The following DLGAP3 variants were observed in gnomAD, a reference collection of about 807,000 sequenced individuals.
DLGAP3 encodes the protein disks large-associated protein 3.
In DLGAP3, 17 loss-of-function variants were observed where a neutral mutation model predicts 81.2. The ratio of observed to expected loss-of-function variants is 0.21; its 90% confidence interval spans 0.14 to 0.31. DLGAP3 has a LOEUF of 0.31. DLGAP3 is among the 10% of genes least tolerant of loss of function. DLGAP3 has a pLI of 1.00. For missense variants in DLGAP3, 1,124 were observed against 1,388.0 expected (o/e 0.81, Z 3.02); for synonymous variants, 577 against 587.4 (o/e 0.98, Z 0.26).
chr1:34,897,388 A>G (rs896289496), intron 5 of DLGAP3, among the ~76,000 whole-genome samples: 21 of 152,198 alleles, frequency 1.4e-4, no homozygotes, highest in Non-Finnish European at 2.2e-4. Context: ...ATTTTAGGGC[A>G]TTTGGGAAAA....
At chr1:34,905,798 G>A (rs971035879) in intron 2 of DLGAP3, among the ~76,000 whole-genome samples, 1 of 151,836 alleles carries the variant, frequency 6.6e-6, no homozygotes, top group East Asian at 1.9e-4. Context: ...GAGCCCAGCA[G>A]TTCGAGATCA....
chr1:34,894,502 G>C (rs1367128891), intron 5 of DLGAP3, among the ~76,000 whole-genome samples: 2 of 152,166 alleles, frequency 1.3e-5, no homozygotes, highest in Non-Finnish European at 2.9e-5. Context: ...AGCAACCTGA[G>C]AGAAATTAAA....
At chr1:34,886,335 G>A (rs1639229918) in intron 5 of DLGAP3, 50 bp from the exon 6 acceptor site, 4 of 1,497,456 alleles carry the variant, frequency 2.7e-6, no homozygotes, top group Non-Finnish European at 1.8e-6. Flanking sequence ...GGGAGGGGGT[G>A]GAAGTCCCTG....
In DLGAP3 at chr1:34,885,565, G is replaced by C. The variant is rs754471768; in HGVS notation, c.1827C>G (p.Pro609=). ...CAGGGATGGTCTTGATGATGAGTGT[G>C]GGGGGCTTGGGGCTGGCCCGGGGCG... ...PVPPRASPKP[P]TLIIKTIPGR... is the part of the protein sequence containing the mutation. Residue 609 remains proline, a synonymous_variant, in exon 7 of 12, where the codon CCC becomes CCG. Coordinates refer to ENST00000373347, the MANE Select transcript of DLGAP3 (RefSeq NM_001080418.3). The C allele has an allele frequency of 1.5e-5, 24 of 1,606,180 alleles. No individual in the cohort carries two copies. Among genetic ancestry groups the C allele is most frequent in the Admixed American group, 3.3e-5 (2 of 59,852 alleles).
chr1:34,866,326 G>T, intron 11 of DLGAP3, 25 bp from the exon 12 acceptor site: 1 of 1,489,748 alleles, frequency 6.7e-7, no homozygotes, highest in South Asian at 1.2e-5. Context: ...GCGTCGCTGA[G>T]CTGGGGCGCC....
chr1:34,918,168 C>A (rs544844742), intron 1 of DLGAP3, among the ~76,000 whole-genome samples: 1 of 152,318 alleles, frequency 6.6e-6, no homozygotes, highest in African/African-American at 2.4e-5. Flanking sequence ...TTCTCTAGTG[C>A]CACAGGCTCC....
chr1:34,888,649 AAT>A (rs1639269904), intron 5 of DLGAP3, among the ~76,000 whole-genome samples: 1 of 152,196 alleles, frequency 6.6e-6, no homozygotes, highest in Non-Finnish European at 1.5e-5. Context: ...AGTGTATGGA[AAT>A]CCCAGGCCAT....
chr1:34,904,479 T>A lies in DLGAP3; in HGVS notation c.905A>T (p.Lys302Met). ...GCCTTCCGACCCGCCCGAGCGCCCC[T>A]TGAAGCTCAAGTCCCGGTAGGACCC... ...PDGSYRDLSF[K>M]GRSGGSEGRC... Residue 302 changes from lysine (K) to methionine (M), a missense_variant, in exon 3 of 12, where the codon AAG (lysine) becomes ATG (methionine). Coordinates refer to ENST00000373347, the MANE Select transcript of DLGAP3 (RefSeq NM_001080418.3). The surrounding 1 kb of genome is among the most constrained non-coding windows in gnomAD (Gnocchi z 8.1). The A allele has an allele frequency of 6.2e-7, 1 of 1,614,184 alleles. No individual in the cohort carries two copies. The highest frequency in any genetic ancestry group is 8.5e-7 in the Non-Finnish European group (1 of 1,180,030).
chr1:34,899,170 G>A (rs953450454), intron 5 of DLGAP3, among the ~76,000 whole-genome samples: 7 of 148,864 alleles, frequency 4.7e-5, no homozygotes, highest in African/African-American at 1.7e-4. Flanking sequence ...GCTCATTCTC[G>A]CCATTCTCCT....
In DLGAP3 at chr1:34,865,942, G is replaced by A; in HGVS notation, c.*141C>T. ...AGGAAGGTAAAAAACCCACGAGAGT[G>A]TGACGGGCCCGGGGGCCGGGGCGTC... On this transcript the variant is annotated 3_prime_UTR_variant, in exon 12 of 12. Transcript: ENST00000373347. 3 of 769,636 alleles carry A rather than the reference G, an allele frequency of 3.9e-6. No homozygotes were observed. The highest frequency in any genetic ancestry group is 2.1e-6 in the Non-Finnish European group (1 of 469,436). The allele number at this position is 769,636 out of a possible 1,614,324, so 47.7% of individuals were successfully genotyped here. A position where few individuals can be genotyped will look rare whatever the true frequency, so the allele number is the denominator to read the frequency against.
At chr1:34,924,106 A>G (rs943013679) in intron 1 of DLGAP3, among the ~76,000 whole-genome samples, 1 of 152,142 alleles carries the variant, frequency 6.6e-6, no homozygotes, top group Non-Finnish European at 1.5e-5. Context: ...AAGGGACCTT[A>G]AGAAACTCCT....
Position 34,900,422 on chromosome 1 carries a change from T to C in DLGAP3, c.1108-149A>G, listed in dbSNP as rs1230331331. The C allele has an allele frequency of 1.2e-6, 1 of 813,478 alleles. No homozygotes were observed. Among genetic ancestry groups the C allele is most frequent in the Non-Finnish European group, 2.0e-6 (1 of 489,822 alleles). 50.4% of individuals were successfully genotyped at this position (813,478 alleles called of 1,614,324 possible). Reference sequence around the variant, plus strand: ...CAGAGGCAGAAGGGGAGGTAGGGTCTCAGGCTGTCCCCGTCCCTTACAAGA... The same window carrying C: ...CAGAGGCAGAAGGGGAGGTAGGGTCCCAGGCTGTCCCCGTCCCTTACAAGA... On this transcript the variant is annotated intron_variant, in intron 3 of 11. Transcript: ENST00000373347. This position sits in a 1 kb window ranked among gnomAD's most constrained non-coding sequence, Gnocchi z 5.6.
At chr1:34,899,769 G>C (rs1639427112) in intron 4 of DLGAP3, 28 bp from the exon 5 acceptor site, 1 of 1,606,858 alleles carries the variant, frequency 6.2e-7, no homozygotes, top group Admixed American at 1.7e-5. Context: ...TCCGGAGTCA[G>C]AACAGTGGAC....
At chr1:34,878,636 T>G (rs977155675) in intron 8 of DLGAP3, among the ~76,000 whole-genome samples, 4 of 152,204 alleles carry the variant, frequency 2.6e-5, no homozygotes, top group Admixed American at 2.0e-4. Flanking sequence ...TGAGACATTT[T>G]TAACACACCT....
At chr1:34,916,656 ATTTTATTTTATTTTAT>A (rs1639720300) in intron 1 of DLGAP3, among the ~76,000 whole-genome samples, 1 of 1,198 alleles carries the variant, frequency 8.3e-4, no homozygotes, top group African/African-American at 1.1e-3. Flanking sequence ...TTTTTATTTT[ATTTTATTTTATTTTAT>A]TTTATTTTAT....
chr1:34,927,890 C>T (rs1437511328), intron 1 of DLGAP3, among the ~76,000 whole-genome samples: 1 of 152,162 alleles, frequency 6.6e-6, no homozygotes, highest in African/African-American at 2.4e-5. Flanking sequence ...CTTTCTGTAC[C>T]ACTAACTAGC....
intron 8 of DLGAP3, among the ~76,000 whole-genome samples, chr1:34,875,606 G>A (rs1639039727): frequency 6.6e-6 from 1 of 152,186 alleles, no homozygotes; most frequent in Non-Finnish European, 1.5e-5. Context: ...AGATCCCTAT[G>A]GTTAGAAAGA....
At position 34,867,812 on chromosome 1, in the gene DLGAP3, T is replaced by C. The variant is rs962754797; in HGVS notation, c.2486-185A>G. ...AGTTCTCGCTCCACTACACCAAGAC[T>C]GTATCCTCAGACACTGATGTTCCCT... On this transcript the variant is annotated intron_variant, in intron 9 of 11. Transcript: ENST00000373347. The surrounding 1 kb of genome is among the most constrained non-coding windows in gnomAD (Gnocchi z 4.3). Among the ~76,000 whole-genome samples, 11 of 152,070 alleles carry C rather than the reference T, an allele frequency of 7.2e-5. No homozygotes were observed. Among genetic ancestry groups the C allele is most frequent in the Admixed American group, 6.5e-4 (10 of 15,274 alleles).
Position 34,867,512 on chromosome 1 carries a change from G to C in DLGAP3, c.2577+24C>G, listed in dbSNP as rs1381972226. 1 of 1,592,606 alleles carries C rather than the reference G, an allele frequency of 6.3e-7. No homozygotes were observed. The highest frequency in any genetic ancestry group is 1.7e-5 in the Admixed American group (1 of 59,978). ...CACTCTGGGTCACATGTATCTGGTA[G>C]GATCTACTACTATGGGCACTCACCA... On this transcript the variant is annotated intron_variant, in intron 10 of 11. Transcript: ENST00000373347. The surrounding 1 kb of genome is among the most constrained non-coding windows in gnomAD (Gnocchi z 4.3).
Sources: allele counts gnomAD v4.1 joint callset (sites outside exome capture counted in the v4.1 genomes callset), GRCh38; gene constraint gnomAD v4.1.1; non-coding constraint Gnocchi (gnomAD v3.1); transcripts MANE v1.5; gene names NCBI Gene and HGNC (gene_info 2026-07-23, HGNC 2026-07-21).